C3orf20: variants seen among roughly 807,000 people sequenced by gnomAD.
C3orf20 encodes the protein family with sequence similarity 149 member C, also known as uncharacterized protein C3orf20.
C3orf20 carries 76 observed loss-of-function variants against 88.3 expected under a neutral mutation model. That is an observed-to-expected ratio of 0.86 (90% CI 0.72 to 1.04). The LOEUF is 1.04. C3orf20 is among the 50% of genes least tolerant of loss of function. C3orf20 has a pLI of 0.00. For missense variants in C3orf20, 1,056 were observed against 1,123.3 expected (o/e 0.94, Z 0.86); for synonymous variants, 436 against 437.4 (o/e 1.00, Z 0.04).
intron 15 of C3orf20, among the ~76,000 whole-genome samples, chr3:14,763,799 C>T (rs1173615585): frequency 6.6e-6 from 1 of 152,122 alleles, no homozygotes; most frequent in Non-Finnish European, 1.5e-5. Flanking sequence ...ATGGGAAGTG[C>T]TGGCACATAG....
chr3:14,767,516 C>G (rs900759490), intron 15 of C3orf20: 3 of 152,204 alleles, frequency 2.0e-5, no homozygotes, highest in Non-Finnish European at 2.9e-5. Flanking sequence ...CTGGACCATT[C>G]TCAGAGGAGT....
chr3:14,735,925 T>A (rs1320347938), intron 12 of C3orf20, among the ~76,000 whole-genome samples: 1 of 152,220 alleles, frequency 6.6e-6, no homozygotes, highest in Non-Finnish European at 1.5e-5. Context: ...AGTTTATATT[T>A]AGATTTGCCC....
intron 13 of C3orf20, among the ~76,000 whole-genome samples, chr3:14,759,657 C>T (rs1220269343): frequency 1.3e-5 from 2 of 152,124 alleles, no homozygotes; most frequent in African/African-American, 2.4e-5. Flanking sequence ...GCAGCCATCT[C>T]GGAAATGGCC....
Position 14,715,421 on chromosome 3 carries a change from C to T in C3orf20, c.1434+12C>T. 6.2e-7 allele frequency: 1 copy of T among 1,608,228 alleles called. No individual in the cohort carries two copies. The highest frequency in any genetic ancestry group is 8.5e-7 in the Non-Finnish European group (1 of 1,177,634). ...CCCTGGAATACAAGGTAGGGATGGG[C>T]AGCACAGGTTGGGTGGCAGTGAGCA... On this transcript the variant is annotated intron_variant, in intron 9 of 16. Coordinates refer to ENST00000253697, the MANE Select transcript of C3orf20 (RefSeq NM_032137.5).
chr3:14,678,942 C>G (rs958276501), intron 1 of C3orf20, among the ~76,000 whole-genome samples: 3 of 152,200 alleles, frequency 2.0e-5, no homozygotes, highest in African/African-American at 7.2e-5. Flanking sequence ...AGATCTGATT[C>G]TAGGCCACTT....
intron 15 of C3orf20, among the ~76,000 whole-genome samples, chr3:14,770,145 G>A (rs2035822179): frequency 6.6e-6 from 1 of 152,134 alleles, no homozygotes; most frequent in Non-Finnish European, 1.5e-5. Flanking sequence ...GGCAGGGACT[G>A]GACCATAGGC....
chr3:14,705,004 C>T (rs1056215367), intron 7 of C3orf20, among the ~76,000 whole-genome samples: 3 of 152,198 alleles, frequency 2.0e-5, no homozygotes, highest in African/African-American at 7.2e-5. Context: ...TGGGAACCTT[C>T]ATCCTTCTCT....
chr3:14,712,660 A>G (rs1239408234), intron 7 of C3orf20, among the ~76,000 whole-genome samples: 4 of 152,234 alleles, frequency 2.6e-5, no homozygotes, highest in Non-Finnish European at 5.9e-5. Flanking sequence ...TATCTTTCAA[A>G]TCATATAGGA....
chr3:14,765,819 G>T (rs944740960), intron 15 of C3orf20, among the ~76,000 whole-genome samples: 5 of 152,232 alleles, frequency 3.3e-5, no homozygotes, highest in African/African-American at 7.2e-5. Context: ...CTGTGAAGCC[G>T]CCATGGAGAG....
Position 14,772,953 on chromosome 3 carries a change from C to T in C3orf20, c.*78C>T. 3 of 1,053,724 alleles carry T rather than the reference C, an allele frequency of 2.8e-6. No homozygotes were observed. The highest frequency in any genetic ancestry group is 4.4e-6 in the Non-Finnish European group (3 of 677,882). The allele number at this position is 1,053,724 out of a possible 1,614,324, so 65.3% of individuals were successfully genotyped here. A position where few individuals can be genotyped will look rare whatever the true frequency, so the allele number is the denominator to read the frequency against. On this transcript the variant is annotated 3_prime_UTR_variant, in exon 17 of 17. Coordinates refer to ENST00000253697, the MANE Select transcript of C3orf20 (RefSeq NM_032137.5). The surrounding 1 kb of genome is among the most constrained non-coding windows in gnomAD (Gnocchi z 4.2). ...CTTCTTGCCAGCCCAGCCCTGCCTCCCCGGTCTCCCACCCTGTCCTCCAAG... is the reference window on the plus strand; with the variant it reads ...CTTCTTGCCAGCCCAGCCCTGCCTCTCCGGTCTCCCACCCTGTCCTCCAAG...
chr3:14,715,450 C>G (rs2033903727), intron 9 of C3orf20, 41 bp downstream of exon 9: 1 of 1,589,554 alleles, frequency 6.3e-7, no homozygotes, highest in African/African-American at 1.3e-5. Flanking sequence ...GTGAGCACCA[C>G]TGTCACAGGG....
At chr3:14,761,014 C>T (rs2035545142) in intron 14 of C3orf20, among the ~76,000 whole-genome samples, 1 of 152,106 alleles carries the variant, frequency 6.6e-6, no homozygotes, top group Non-Finnish European at 1.5e-5. Flanking sequence ...GGGGACTGAC[C>T]TATGGGGGTG....
intron 5 of C3orf20, 120 bp downstream of exon 5, chr3:14,690,236 A>T: frequency 1.5e-6 from 2 of 1,369,034 alleles, no homozygotes; most frequent in Non-Finnish European, 2.0e-6. Context: ...GATTAGAAGG[A>T]TACATAGCGG....
chr3:14,729,013 CA>C (rs1360528727), intron 12 of C3orf20, among the ~76,000 whole-genome samples: 1 of 152,078 alleles, frequency 6.6e-6, no homozygotes, highest in African/African-American at 2.4e-5. Flanking sequence ...GATTTCATGA[CA>C]GGGGAAATGA....
chr3:14,721,747 C>T lies in C3orf20; in HGVS notation c.1529C>T (p.Ala510Val), dbSNP rs773291702. 6.2e-7 allele frequency: 1 copy of T among 1,614,162 alleles called. No homozygotes were observed. ...LNETVTLTVS[A>V]NNCPHGMAYD... ...GAGACAGTAACACTCACTGTGTCGG[C>T]CAACAATTGTCCCCATGGAATGGCA... is the stretch of plus-strand genomic sequence containing the variant. The change falls in exon 10 of 17, where the codon GCC becomes GTC. Residue 510 changes from alanine (A) to valine (V), a missense_variant. Coordinates refer to ENST00000253697, the MANE Select transcript of C3orf20 (RefSeq NM_032137.5).
Position 14,682,757 on chromosome 3 carries a change from C to CCCA in C3orf20, c.44_45insCCA (p.Thr15_Ala16insGln). On this transcript the variant is annotated inframe_insertion, in exon 3 of 17. Coordinates refer to ENST00000253697, the MANE Select transcript of C3orf20 (RefSeq NM_032137.5). ...AACCTAGAATTATATCAGCAATACA[C>CCCA]AGCCATGGCCCCCAAGCTACTGGCC... 1 of 1,613,966 alleles carries CCCA rather than the reference C, an allele frequency of 6.2e-7. No homozygotes were observed. Among genetic ancestry groups the CCCA allele is most frequent in the Non-Finnish European group, 8.5e-7 (1 of 1,179,954 alleles).
chr3:14,706,224 G>T (rs752435779), intron 7 of C3orf20, among the ~76,000 whole-genome samples: 3 of 152,022 alleles, frequency 2.0e-5, no homozygotes, highest in Non-Finnish European at 4.4e-5. Context: ...TTCTCAGACC[G>T]TATATGAATC....
In C3orf20 at chr3:14,728,489, C is replaced by T. The variant is rs144350421; in HGVS notation, c.1741C>T (p.Arg581Trp). ...PTKKEEEEFV[R>W]FKMRSRTHPE... ...CAAAAAGGAGGAGGAAGAATTTGTT[C>T]GGTTCAAGATGAGATCCAGAACTCA... The change falls in exon 12 of 17, where the codon CGG (arginine) becomes TGG (tryptophan). Residue 581 changes from arginine (R) to tryptophan (W), a missense_variant. By Grantham distance (101) the Arg-to-Trp change is moderately radical (BLOSUM62 -3). Coordinates refer to ENST00000253697, the MANE Select transcript of C3orf20 (RefSeq NM_032137.5). 2.0e-5 allele frequency: 33 copies of T among 1,613,984 alleles called. No individual in the cohort carries two copies. The highest frequency in any genetic ancestry group is 1.1e-4 in the East Asian group (5 of 44,898).
intron 11 of C3orf20, 112 bp from the exon 12 acceptor site, chr3:14,728,327 G>C: frequency 7.8e-7 from 1 of 1,281,518 alleles, no homozygotes; most frequent in Non-Finnish European, 1.1e-6. Context: ...TGAGAGCGGA[G>C]GGGAGGAGAT....
Sources: gnomAD v4.1 joint callset for allele counts (sites outside exome capture counted in the v4.1 genomes callset) on GRCh38, gnomAD v4.1.1 for gene constraint, Gnocchi (gnomAD v3.1) non-coding constraint, MANE v1.5 for transcripts, NCBI Gene and HGNC (gene_info 2026-07-23, HGNC 2026-07-21) for gene names.